Variants in DLGAP1 observed in about 807,000 individuals in gnomAD.
The protein encoded by DLGAP1 is DLG associated protein 1.
A neutral mutation model predicts 90.8 loss-of-function variants in DLGAP1; 11 were observed. That is an observed-to-expected ratio of 0.12 (90% CI 0.08 to 0.20). The LOEUF (loss-of-function observed/expected upper bound fraction) is 0.20, where lower values mean the gene tolerates loss of function less well. Among genes scored for constraint, DLGAP1 ranks in the 10% least tolerant of loss-of-function variants. DLGAP1 has a pLI of 1.00. For missense variants in DLGAP1, 1,050 were observed against 1,333.8 expected (o/e 0.79, Z 3.31); for synonymous variants, 558 against 540.7 (o/e 1.03, Z -0.44).
At chr18:3,946,494 A>G (rs772469140) in intron 3 of DLGAP1, among the ~76,000 whole-genome samples, 5 of 152,218 alleles carry the variant, frequency 3.3e-5, no homozygotes, top group Non-Finnish European at 5.9e-5. Context: ...TTTCCAAGGC[A>G]AATCAAAATA....
intron 1 of DLGAP1, among the ~76,000 whole-genome samples, chr18:4,318,920 T>C (rs2080602997): frequency 6.6e-6 from 1 of 152,184 alleles, no homozygotes; most frequent in East Asian, 1.9e-4. Context: ...GTTCAAAAGA[T>C]CTATTGTACA....
At chr18:4,432,693 C>T (rs62085387) in intron 1 of DLGAP1, among the ~76,000 whole-genome samples, 35 of 151,730 alleles carry the variant, frequency 2.3e-4, no homozygotes, top group African/African-American at 7.7e-4. Context: ...CAATGCTGTA[C>T]AATAGATCTC....
At chr18:3,704,442 C>T (rs190485155) in intron 7 of DLGAP1, among the ~76,000 whole-genome samples, 13 of 151,918 alleles carry the variant, frequency 8.6e-5, no homozygotes, top group African/African-American at 2.7e-4. Flanking sequence ...TGGTGGCAGG[C>T]GCCAGTAATC....
intron 12 of DLGAP1, among the ~76,000 whole-genome samples, chr18:3,501,682 C>T (rs2049941404): frequency 6.6e-6 from 1 of 152,136 alleles, no homozygotes; most frequent in Non-Finnish European, 1.5e-5. Context: ...AACAGCCATT[C>T]CAATTTTCAG....
chr18:3,638,301 G>A (rs1256610514), intron 7 of DLGAP1, among the ~76,000 whole-genome samples: 7 of 148,998 alleles, frequency 4.7e-5, no homozygotes, highest in Non-Finnish European at 8.9e-5. Context: ...AGGCTGGAGT[G>A]CAGTGGTGCA....
chr18:4,129,538 A>G (rs895993732), intron 2 of DLGAP1, among the ~76,000 whole-genome samples: 2 of 152,148 alleles, frequency 1.3e-5, no homozygotes, highest in African/African-American at 4.8e-5. Flanking sequence ...TCACAGGCCA[A>G]TCTGCTTTCT....
At chr18:3,726,127 C>A (rs1345465) in intron 7 of DLGAP1, among the ~76,000 whole-genome samples, 88,960 of 151,982 alleles carry the variant, frequency 0.59, 27,055 homozygotes, top group African/African-American at 0.77. Flanking sequence ...GGAAAAACAA[C>A]ATCTGTTGTG....
intron 10 of DLGAP1, among the ~76,000 whole-genome samples, chr18:3,519,566 C>T (rs2051048366): frequency 6.6e-6 from 1 of 152,146 alleles, no homozygotes; most frequent in Admixed American, 6.6e-5. Context: ...AGTGTCTCCT[C>T]CAAAATATAT....
chr18:3,764,625 T>C (rs1488170132), intron 5 of DLGAP1, among the ~76,000 whole-genome samples: 1 of 152,216 alleles, frequency 6.6e-6, no homozygotes, highest in Non-Finnish European at 1.5e-5. Flanking sequence ...AAACCATCAA[T>C]TTTAAAGTTT....
chr18:3,842,227 CA>C (rs1381076669), intron 4 of DLGAP1, among the ~76,000 whole-genome samples: 1 of 151,958 alleles, frequency 6.6e-6, no homozygotes, highest in African/African-American at 2.4e-5. Context: ...AAGAGAAAAG[CA>C]GACCAGTATG....
chr18:4,211,500 C>T (rs1270881317), intron 1 of DLGAP1, among the ~76,000 whole-genome samples: 2 of 152,240 alleles, frequency 1.3e-5, no homozygotes, highest in East Asian at 3.9e-4. Flanking sequence ...TTCCAAATGA[C>T]AGAGAGTGAT....
intron 1 of DLGAP1, among the ~76,000 whole-genome samples, chr18:4,157,235 C>T (rs963429494): frequency 6.6e-6 from 1 of 152,054 alleles, no homozygotes; most frequent in Middle Eastern, 3.2e-3. Flanking sequence ...TTTTATGTAA[C>T]AAGCATCATT....
At chr18:4,015,241 C>G (rs2074501427) in intron 2 of DLGAP1, among the ~76,000 whole-genome samples, 2 of 152,182 alleles carry the variant, frequency 1.3e-5, no homozygotes, top group South Asian at 4.2e-4. Flanking sequence ...TATTGACGCC[C>G]TAGAGGGTTC....
chr18:3,521,557 C>T (rs1354049324), intron 10 of DLGAP1, among the ~76,000 whole-genome samples: 1 of 152,200 alleles, frequency 6.6e-6, no homozygotes, highest in Non-Finnish European at 1.5e-5. Flanking sequence ...GCCCCTCTCC[C>T]TGTATCTAGC....
At chr18:3,889,824 C>G (rs2071413243) in intron 3 of DLGAP1, among the ~76,000 whole-genome samples, 1 of 152,196 alleles carries the variant, frequency 6.6e-6, no homozygotes, top group South Asian at 2.1e-4. Flanking sequence ...CATGTCGGCC[C>G]CACTGGAAGC....
At chr18:4,333,939 T>C (rs2143763182) in intron 1 of DLGAP1, among the ~76,000 whole-genome samples, 1 of 148,642 alleles carries the variant, frequency 6.7e-6, no homozygotes, top group East Asian at 2.1e-4. Context: ...AACAGGCTGA[T>C]AAAAGACCCA....
intron 2 of DLGAP1, among the ~76,000 whole-genome samples, chr18:4,143,187 C>T (rs1589446): frequency 0.099 from 15,048 of 152,050 alleles, 882 homozygotes; most frequent in East Asian, 0.18. Context: ...CAGCTAGGCT[C>T]ATATCCTACC....
At chr18:3,947,901 T>C (rs1471596332) in intron 3 of DLGAP1, among the ~76,000 whole-genome samples, 3 of 152,202 alleles carry the variant, frequency 2.0e-5, no homozygotes, top group African/African-American at 7.2e-5. Context: ...AGTTAAGATT[T>C]GTAATACATC....
chr18:3,942,785 A>G (rs1420604523), intron 3 of DLGAP1, among the ~76,000 whole-genome samples: 6 of 152,180 alleles, frequency 3.9e-5, no homozygotes. Flanking sequence ...TGTTTCTTGA[A>G]TTGAAAAATG....
Sources: gnomAD v4.1 joint callset for allele counts (sites outside exome capture counted in the v4.1 genomes callset) on GRCh38, gnomAD v4.1.1 for gene constraint, MANE v1.5 for transcripts, NCBI Gene and HGNC (gene_info 2026-07-23, HGNC 2026-07-21) for gene names.